CSMD1: variants seen among roughly 807,000 people sequenced by gnomAD.
The protein encoded by CSMD1 is CUB and sushi domain-containing protein 1.
Under a neutral mutation model 417.5 loss-of-function variants are expected in CSMD1, and 213 were observed. The observed-to-expected ratio is 0.51, with a 90% CI of 0.46 to 0.57. The LOEUF (loss-of-function observed/expected upper bound fraction) is 0.57. Ranked by LOEUF, CSMD1 falls within the 20% of genes least tolerant of loss-of-function variation. The pLI is 0.00. For missense variants in CSMD1, 6,923 were observed against 4,529.7 expected (o/e 1.53, Z -15.17); for synonymous variants, 2,862 against 1,736.8 (o/e 1.65, Z -16.11).
intron 3 of CSMD1, among the ~76,000 whole-genome samples, chr8:4,410,631 G>GTA (rs1455543772): frequency 1.3e-5 from 2 of 152,116 alleles, no homozygotes; most frequent in Admixed American, 1.3e-4. Flanking sequence ...CAAATGTAAT[G>GTA]TATATGCATG....
At chr8:4,436,811 T>C (rs188272925) in intron 2 of CSMD1, among the ~76,000 whole-genome samples, 2 of 152,312 alleles carry the variant, frequency 1.3e-5, no homozygotes, top group East Asian at 1.9e-4. Flanking sequence ...TTAACAATGA[T>C]CTCCAGCTCT....
chr8:4,520,079 C>T (rs1250007304), intron 2 of CSMD1, among the ~76,000 whole-genome samples: 1 of 152,042 alleles, frequency 6.6e-6, no homozygotes, highest in Non-Finnish European at 1.5e-5. Flanking sequence ...GATAATTTTA[C>T]AGTATTGCAT....
chr8:4,592,076 C>G (rs986665690), intron 2 of CSMD1, among the ~76,000 whole-genome samples: 13 of 152,056 alleles, frequency 8.5e-5, no homozygotes, highest in Non-Finnish European at 1.8e-4. Flanking sequence ...GGACGTCTAA[C>G]AGTAGGGACA....
chr8:4,119,192 G>A (rs1036796299), intron 3 of CSMD1, among the ~76,000 whole-genome samples: 1 of 151,970 alleles, frequency 6.6e-6, no homozygotes, highest in South Asian at 2.1e-4. Flanking sequence ...AACCATCGTG[G>A]CACACATATA....
chr8:3,540,012 C>G (rs978849299), intron 10 of CSMD1, among the ~76,000 whole-genome samples: 2 of 152,140 alleles, frequency 1.3e-5, no homozygotes, highest in African/African-American at 4.8e-5. Flanking sequence ...TCCAGTAAAA[C>G]AGGGCTGCTT....
chr8:3,376,235 T>G (rs191296319), intron 18 of CSMD1, among the ~76,000 whole-genome samples: 53 of 152,110 alleles, frequency 3.5e-4, no homozygotes, highest in African/African-American at 1.1e-3. Context: ...ACATAATTAC[T>G]ATTGAAATAT....
At chr8:4,556,676 GT>G (rs1243191933) in intron 2 of CSMD1, among the ~76,000 whole-genome samples, 2 of 152,090 alleles carry the variant, frequency 1.3e-5, no homozygotes, top group Non-Finnish European at 2.9e-5. Context: ...AACAACAAAA[GT>G]TTTTTTCCAT....
At chr8:4,230,350 C>G (rs900780040) in intron 3 of CSMD1, among the ~76,000 whole-genome samples, 2 of 152,068 alleles carry the variant, frequency 1.3e-5, no homozygotes, top group East Asian at 1.9e-4. Flanking sequence ...CAAATCAAGC[C>G]GAGTAAACTC....
At chr8:4,261,160 G>C (rs1803852548) in intron 3 of CSMD1, among the ~76,000 whole-genome samples, 1 of 152,150 alleles carries the variant, frequency 6.6e-6, no homozygotes, top group Non-Finnish European at 1.5e-5. Context: ...TGGCTTGAAA[G>C]TTGTCTATTC....
intron 3 of CSMD1, among the ~76,000 whole-genome samples, chr8:4,102,836 A>G (rs1043458788): frequency 1.3e-5 from 2 of 152,152 alleles, no homozygotes; most frequent in African/African-American, 4.8e-5. Flanking sequence ...ATCCTGCTTG[A>G]TATCAGGAAG....
intron 51 of CSMD1, among the ~76,000 whole-genome samples, chr8:3,020,418 G>A (rs181718656): frequency 3.9e-4 from 59 of 152,256 alleles, no homozygotes; most frequent in African/African-American, 1.3e-3. Context: ...TCAGGCTAGG[G>A]TGCAGTGGTA....
intron 32 of CSMD1, among the ~76,000 whole-genome samples, chr8:3,200,577 T>A (rs1205092696): frequency 6.7e-6 from 1 of 150,260 alleles, no homozygotes; most frequent in Non-Finnish European, 1.5e-5. Flanking sequence ...ATAATAATAA[T>A]AATAATAAAA....
At chr8:3,804,636 T>A (rs563282256) in intron 5 of CSMD1, among the ~76,000 whole-genome samples, 2 of 152,186 alleles carry the variant, frequency 1.3e-5, no homozygotes, top group East Asian at 3.9e-4. Flanking sequence ...TACGATAAAA[T>A]GCACACATAA....
chr8:3,936,293 G>T (rs1027515312), intron 5 of CSMD1, among the ~76,000 whole-genome samples: 2 of 152,144 alleles, frequency 1.3e-5, no homozygotes, highest in Non-Finnish European at 2.9e-5. Context: ...GATCAGTGAC[G>T]AAGGTGGCTA....
Position 3,187,904 on chromosome 8 carries a change from C to T in CSMD1, c.5585G>A (p.Gly1862Glu). ...NWDSLEIHDG[G>E]DVTAPRLGSF... ...TCCCAGTCTGGGTGCGGTCACATCC[C>T]CACCATCGTGGATCTCAAGGGAGTC... Residue 1862 changes from glycine (G) to glutamate (E), a missense_variant, in exon 36 of 70, where the codon GGG (glycine) becomes GAG (glutamate). By Grantham distance (98) the Gly-to-Glu change is moderately conservative (BLOSUM62 -2). Coordinates refer to ENST00000635120, the MANE Select transcript of CSMD1 (RefSeq NM_033225.6). 1 of 1,612,990 alleles carries T rather than the reference C, an allele frequency of 6.2e-7. No homozygotes were observed. The highest frequency in any genetic ancestry group is 8.5e-7 in the Non-Finnish European group (1 of 1,179,500).
Position 3,108,615 on chromosome 8 carries a change from G to A in CSMD1, c.6742C>T (p.Leu2248Phe), listed in dbSNP as rs536359004. 1 of 1,613,602 alleles carries A rather than the reference G, an allele frequency of 6.2e-7. No individual in the cohort carries two copies. The highest frequency in any genetic ancestry group is 2.2e-5 in the East Asian group (1 of 44,866). The change falls in exon 44 of 70, where the codon CTC becomes TTC. Residue 2248 changes from leucine to phenylalanine, a missense_variant. Physicochemically the swap from Leu to Phe is conservative, Grantham distance 22 (BLOSUM62 0). Coordinates refer to ENST00000635120, the MANE Select transcript of CSMD1 (RefSeq NM_033225.6). The part of the protein sequence containing the change: ...SDFSNGGFFV[L>F]NFHAFQLKKC... Reference sequence around the variant, plus strand: ...AAAATCAACTGACCGTGGAAATTGAGGACAAAGAAGCCTCCATTTGAAAAG... The same window carrying A: ...AAAATCAACTGACCGTGGAAATTGAAGACAAAGAAGCCTCCATTTGAAAAG...
At chr8:3,874,981 A>T (rs1805718391) in intron 5 of CSMD1, among the ~76,000 whole-genome samples, 1 of 152,024 alleles carries the variant, frequency 6.6e-6, no homozygotes, top group Non-Finnish European at 1.5e-5. Context: ...GCCAAGCAGG[A>T]TGGACGTCTG....
intron 9 of CSMD1, among the ~76,000 whole-genome samples, chr8:3,580,798 G>C (rs1584917672): frequency 6.6e-6 from 1 of 152,126 alleles, no homozygotes; most frequent in East Asian, 1.9e-4. Context: ...ATAAAGAAGA[G>C]TCATCTTTCG....
At chr8:3,482,513 G>A (rs1327560068) in intron 11 of CSMD1, among the ~76,000 whole-genome samples, 2 of 152,114 alleles carry the variant, frequency 1.3e-5, no homozygotes, top group African/African-American at 2.4e-5. Flanking sequence ...AGAGCTTCAC[G>A]ACAAGAAGCA....
Sources: allele counts gnomAD v4.1 joint callset (sites outside exome capture counted in the v4.1 genomes callset), GRCh38; gene constraint gnomAD v4.1.1; transcripts MANE v1.5; gene names NCBI Gene and HGNC (gene_info 2026-07-23, HGNC 2026-07-21).